The following SAMD12 variants were observed in gnomAD, a reference collection of about 807,000 sequenced individuals.
The protein encoded by SAMD12 is sterile alpha motif domain containing 12.
A neutral mutation model predicts 15.0 loss-of-function variants in SAMD12; 9 were observed. The ratio of observed to expected loss-of-function variants is 0.60; its 90% CI spans 0.36 to 1.05. The LOEUF (loss-of-function observed/expected upper bound fraction) is 1.05. SAMD12 is among the 50% of genes least tolerant of loss of function. SAMD12 has a pLI of 0.01. For synonymous variants in SAMD12, 86 were observed against 90.1 expected (o/e 0.96, Z 0.25); for missense variants, 230 against 234.2 (o/e 0.98, Z 0.12).
intron 3 of SAMD12, among the ~76,000 whole-genome samples, chr8:118,435,293 T>A (rs185042755): frequency 6.6e-6 from 1 of 152,192 alleles, no homozygotes; most frequent in Non-Finnish European, 1.5e-5. Context: ...TATTATGGTA[T>A]ATTATTATTA....
At chr8:118,253,246 G>GAGA (rs1554617787) in intron 4 of SAMD12, among the ~76,000 whole-genome samples, 1 of 152,138 alleles carries the variant, frequency 6.6e-6, no homozygotes, top group Non-Finnish European at 1.5e-5. Flanking sequence ...GAAAGGCAGT[G>GAGA]TACTATTAGC....
At chr8:118,240,188 G>T (rs963174576) in intron 4 of SAMD12, among the ~76,000 whole-genome samples, 1 of 152,102 alleles carries the variant, frequency 6.6e-6, no homozygotes, top group East Asian at 1.9e-4. Context: ...CGTGAGTGAT[G>T]TTGGAAGCAA....
the SAMD12 span, among the ~76,000 whole-genome samples, chr8:118,161,721 ATTATTG>A: frequency 5.3e-5 from 8 of 151,688 alleles, no homozygotes; most frequent in Admixed American, 6.6e-5. Context: ...TATTATTATT[ATTATTG>A]TTATCAATAT....
intron 4 of SAMD12, among the ~76,000 whole-genome samples, chr8:118,200,840 A>T (rs1470933496): frequency 6.6e-6 from 1 of 152,034 alleles, no homozygotes; most frequent in African/African-American, 2.4e-5. Flanking sequence ...TTTTTTGGAG[A>T]CAGGGTCTAG....
intron 2 of SAMD12, among the ~76,000 whole-genome samples, chr8:118,493,020 G>C (rs1353352622): frequency 2.0e-5 from 3 of 152,088 alleles, no homozygotes. Context: ...ACAGAGAAAA[G>C]AAAAATATGA....
chr8:118,321,144 A>AATAAATAAATAT (rs57107358), intron 4 of SAMD12, among the ~76,000 whole-genome samples: 129 of 94,414 alleles, frequency 1.4e-3, no homozygotes, highest in African/African-American at 5.0e-3. Context: ...ATAGATAATA[A>AATAAATAAATAT]ATATATATAT....
intron 2 of SAMD12, among the ~76,000 whole-genome samples, chr8:118,541,001 A>T (rs897685506): frequency 1.4e-4 from 22 of 152,190 alleles, no homozygotes; most frequent in African/African-American, 5.3e-4. Context: ...AGAGTTTCTT[A>T]AATCTCAACT....
chr8:118,213,562 G>C (rs776978921), intron 4 of SAMD12, among the ~76,000 whole-genome samples: 15 of 152,224 alleles, frequency 9.9e-5, no homozygotes, highest in Non-Finnish European at 1.9e-4. Context: ...AGAGGTCCCT[G>C]CTAAGCCTTG....
At chr8:118,422,590 G>A (rs1586702144) in intron 3 of SAMD12, among the ~76,000 whole-genome samples, 1 of 152,154 alleles carries the variant, frequency 6.6e-6, no homozygotes, top group African/African-American at 2.4e-5. Context: ...AACCTCATAA[G>A]CCAAACTTAG....
At chr8:118,540,730 C>T (rs1219988197) in intron 2 of SAMD12, among the ~76,000 whole-genome samples, 1 of 152,104 alleles carries the variant, frequency 6.6e-6, no homozygotes, top group African/African-American at 2.4e-5. Flanking sequence ...TGTTCTAGGC[C>T]TTAGCTCTTG....
At chr8:118,335,647 G>C (rs1817021004) in intron 4 of SAMD12, among the ~76,000 whole-genome samples, 1 of 152,134 alleles carries the variant, frequency 6.6e-6, no homozygotes, top group African/African-American at 2.4e-5. Flanking sequence ...GTTAGCCATT[G>C]AACATTCTTC....
At chr8:118,390,417 CCA>C (rs1438689772) in intron 3 of SAMD12, among the ~76,000 whole-genome samples, 6 of 15,846 alleles carry the variant, frequency 3.8e-4, no homozygotes, top group African/African-American at 2.7e-3. Context: ...GTGGACTCCA[CCA>C]AGTTCTGTGA....
intron 2 of SAMD12, among the ~76,000 whole-genome samples, chr8:118,514,830 G>A (rs577346260): frequency 1.3e-5 from 2 of 152,274 alleles, no homozygotes; most frequent in South Asian, 2.1e-4. Flanking sequence ...TACTTAGGAC[G>A]GGTTAGTTGC....
intron 2 of SAMD12, among the ~76,000 whole-genome samples, chr8:118,547,563 TACAGGTTGGGCAAAGTATTA>T (rs1826167842): frequency 6.6e-6 from 1 of 152,180 alleles, no homozygotes; most frequent in Admixed American, 6.5e-5. Flanking sequence ...AAGTGTACAA[TACAGGTTGGGCAAAGTATTA>T]ACTGAGCAAT....
intron 3 of SAMD12, among the ~76,000 whole-genome samples, chr8:118,391,245 G>A (rs62533394): frequency 3.9e-5 from 6 of 152,184 alleles, no homozygotes; most frequent in Non-Finnish European, 8.8e-5. Context: ...AAGCAAAGAA[G>A]TCTAGTACCA....
intron 3 of SAMD12, among the ~76,000 whole-genome samples, chr8:118,439,004 A>AG (rs1822656818): frequency 6.6e-6 from 1 of 152,136 alleles, no homozygotes; most frequent in African/African-American, 2.4e-5. Flanking sequence ...TTAGGGTGAA[A>AG]GGGCAGGCAA....
chr8:118,472,194 G>T (rs1166589142), intron 2 of SAMD12, among the ~76,000 whole-genome samples: 1 of 152,144 alleles, frequency 6.6e-6, no homozygotes, highest in Non-Finnish European at 1.5e-5. Context: ...GGCTGAGGCA[G>T]GAGTATGGCG....
intron 4 of SAMD12, chr8:118,282,183 C>CT (rs1813681111): frequency 7.2e-6 from 3 of 416,122 alleles, no homozygotes; most frequent in Admixed American, 2.8e-5. Flanking sequence ...GATTACTTCC[C>CT]TTTTTTCTTT....
intron 2 of SAMD12, among the ~76,000 whole-genome samples, chr8:118,551,203 C>T (rs900544266): frequency 4.3e-4 from 66 of 152,168 alleles, no homozygotes; most frequent in Non-Finnish European, 1.3e-4. Context: ...AACTCTCCAC[C>T]CCAAATCAAG....
Sources: gnomAD v4.1 joint callset for allele counts (sites outside exome capture counted in the v4.1 genomes callset) on GRCh38, gnomAD v4.1.1 for gene constraint, MANE v1.5 for transcripts, NCBI Gene and HGNC (gene_info 2026-07-23, HGNC 2026-07-21) for gene names.